Variants in GNG7 observed in about 807,000 individuals in gnomAD.
GNG7 encodes guanine nucleotide-binding protein G(I)/G(S)/G(O) subunit gamma-7.
Under a neutral mutation model 4.0 loss-of-function variants are expected in GNG7, and 1 was observed. That is an observed-to-expected ratio of 0.25 (90% CI 0.09 to 1.18). The LOEUF (loss-of-function observed/expected upper bound fraction) is 1.18, where lower values mean the gene tolerates loss of function less well. Among genes scored for constraint, GNG7 ranks in the 50% most tolerant of loss-of-function variants. GNG7 has a pLI of 0.50. For missense variants in GNG7, 86 were observed against 91.9 expected, an observed-to-expected ratio of 0.94 and a Z score of 0.26; for synonymous variants, 34 against 36.9, an observed-to-expected ratio of 0.92 and a Z score of 0.29.
intron 1 of GNG7, among the ~76,000 whole-genome samples, chr19:2,650,893 G>A (rs904443547): frequency 3.9e-5 from 6 of 152,292 alleles, no homozygotes; most frequent in Non-Finnish European, 7.4e-5. Context: ...AGAAACTGCC[G>A]AGCTGGGGCA....
chr19:2,693,303 C>A (rs977328163), intron 1 of GNG7, among the ~76,000 whole-genome samples: 1 of 150,976 alleles, frequency 6.6e-6, no homozygotes. Flanking sequence ...GTATTCCCAG[C>A]TACTCAGGAG....
At chr19:2,639,637 T>C (rs1395690116) in intron 2 of GNG7, among the ~76,000 whole-genome samples, 1 of 9,336 alleles carries the variant, frequency 1.1e-4, no homozygotes, top group Admixed American at 7.0e-4. Flanking sequence ...GGAATTTAAC[T>C]TAAACCTCAA....
At position 2,640,832 on chromosome 19, in the gene GNG7, T is replaced by C. The variant is rs149924616; in HGVS notation, c.-78+5392A>G. ...TTTGTAGAGATGGGGTCTTGCTATG[T>C]TGCCCAGGCTAGTCTCACACTCCTG... On this transcript the variant is annotated intron_variant, in intron 2 of 4. Transcript: ENST00000382159. Among the ~76,000 whole-genome samples the C allele has an allele frequency of 6.4e-3, 981 of 152,294 alleles. 3 individuals carry two copies. Among genetic ancestry groups the C allele is most frequent in the African/African-American group, 0.022 (912 of 41,558 alleles).
intron 3 of GNG7, among the ~76,000 whole-genome samples, chr19:2,541,609 G>A (rs1395622424): frequency 6.6e-6 from 1 of 151,896 alleles, no homozygotes; most frequent in African/African-American, 2.4e-5. Context: ...TGGCATGGTG[G>A]TGGGCACCTG....
chr19:2,570,009 T>C (rs1980097245), intron 2 of GNG7, among the ~76,000 whole-genome samples: 1 of 151,986 alleles, frequency 6.6e-6, no homozygotes, highest in Non-Finnish European at 1.5e-5. Context: ...CGACCCCCTA[T>C]GTTGGAGGTG....
chr19:2,511,979 A>C lies in GNG7; in HGVS notation c.*3043T>G, dbSNP rs1469482256. ...GGGGCCTGGCCCGCTGTGGCCCTTCACCTGGCTACTGGTGTCTCGCTCAGC... is the reference window on the plus strand; with the variant it reads ...GGGGCCTGGCCCGCTGTGGCCCTTCCCCTGGCTACTGGTGTCTCGCTCAGC... On this transcript the variant is annotated 3_prime_UTR_variant, in exon 5 of 5. Transcript: ENST00000382159. The surrounding 1 kb of genome is among the most constrained non-coding windows in gnomAD (Gnocchi z 6.3). 3 of 985,754 alleles carry C rather than the reference A, an allele frequency of 3.0e-6. No individual in the cohort carries two copies. In the African/African-American group the frequency reaches 5.2e-5, roughly 17 times the overall value. The allele number at this position is 985,754 out of a possible 1,614,324, so 61.1% of individuals were successfully genotyped here.
At chr19:2,695,602 G>A (rs1913225069) in intron 1 of GNG7, among the ~76,000 whole-genome samples, 1 of 151,852 alleles carries the variant, frequency 6.6e-6, no homozygotes, top group African/African-American at 2.4e-5. Context: ...ATGGAGCCAA[G>A]TGGGGGTGGG....
intron 2 of GNG7, among the ~76,000 whole-genome samples, chr19:2,644,326 T>TC (rs1323619301): frequency 1.1e-4 from 7 of 64,584 alleles, no homozygotes; most frequent in Non-Finnish European, 1.6e-4. Context: ...CGGCCTACAC[T>TC]TTATATATAT....
At chr19:2,558,286 G>GATCC (rs948017602) in intron 2 of GNG7, among the ~76,000 whole-genome samples, 6 of 150,772 alleles carry the variant, frequency 4.0e-5, no homozygotes, top group African/African-American at 1.5e-4. Flanking sequence ...ACCCAGGCTG[G>GATCC]AGTGCAATGG....
intron 3 of GNG7, among the ~76,000 whole-genome samples, chr19:2,539,930 TTCTC>T (rs1239955306): frequency 2.1e-5 from 3 of 144,100 alleles, no homozygotes; most frequent in African/African-American, 7.7e-5. Context: ...TCTTTCTTTC[TTCTC>T]TCTCCCTCTC....
rs1471444909 is a variant in GNG7, at chr19:2,603,152, C to T, written c.-78+43072G>A. On this transcript the variant is annotated intron_variant, in intron 2 of 4. Coordinates refer to ENST00000382159, the MANE Select transcript of GNG7 (RefSeq NM_052847.3). ...CACAGTCTTGCCTCACTGAAACCTCCGCCTCCCGGGTTCAAGCGATCCTCC... is the reference window on the plus strand; with the variant it reads ...CACAGTCTTGCCTCACTGAAACCTCTGCCTCCCGGGTTCAAGCGATCCTCC... Among the ~76,000 whole-genome samples, 5 of 151,944 alleles carry T rather than the reference C, an allele frequency of 3.3e-5. No individual in the cohort carries two copies. The East Asian group carries it at 5.8e-4, about 18-fold the overall frequency.
intron 3 of GNG7, among the ~76,000 whole-genome samples, chr19:2,542,190 C>T (rs996681380): frequency 4.0e-5 from 6 of 148,200 alleles, no homozygotes; most frequent in Non-Finnish European, 7.4e-5. Context: ...TCTCGGCTCA[C>T]CGCAACCTCC....
At chr19:2,644,350 TATA>T (rs1449995566) in intron 2 of GNG7, among the ~76,000 whole-genome samples, 8 of 16,346 alleles carry the variant, frequency 4.9e-4, no homozygotes, top group Non-Finnish European at 9.3e-4. Flanking sequence ...TATATATATA[TATA>T]TATATATATA....
rs576343140 is a variant in GNG7 at position 2,598,078 on chromosome 19, G to A, written c.-77-42890C>T. On this transcript the variant is annotated intron_variant, in intron 2 of 4. Transcript: ENST00000382159. ...ACAACTGTGTGAGCAGCACCTGTGT[G>A]GCACTGAGTCATCTCAGGCTCTCCA... 7.9e-4 allele frequency among the ~76,000 whole-genome samples: 120 copies of A among 152,150 alleles called. 1 individual carries two copies. Among genetic ancestry groups the A allele is most frequent in the African/African-American group, 2.7e-3 (113 of 41,526 alleles).
At chr19:2,549,502 G>T (rs938766292) in intron 3 of GNG7, among the ~76,000 whole-genome samples, 7 of 152,108 alleles carry the variant, frequency 4.6e-5, no homozygotes, top group African/African-American at 1.4e-4. Flanking sequence ...TCTTGGCCAG[G>T]CTGGTCTTGA....
At chr19:2,669,351 G>A (rs753559417) in intron 1 of GNG7, among the ~76,000 whole-genome samples, 24 of 152,144 alleles carry the variant, frequency 1.6e-4, no homozygotes, top group East Asian at 9.7e-4. Context: ...TTAGCTGGGC[G>A]TGGTGGTGCA....
chr19:2,602,879 TTC>T (rs957491821), intron 2 of GNG7, among the ~76,000 whole-genome samples: 2 of 151,208 alleles, frequency 1.3e-5, no homozygotes, highest in Non-Finnish European at 2.9e-5. Context: ...TTTTCTCTCT[TTC>T]TCTTTCTTTT....
chr19:2,627,583 C>G (rs1982052554), intron 2 of GNG7, among the ~76,000 whole-genome samples: 1 of 152,260 alleles, frequency 6.6e-6, no homozygotes, highest in African/African-American at 2.4e-5. Context: ...TCTGAATTCC[C>G]AGTCTCACAT....
chr19:2,578,474 T>C (rs1980407643), intron 2 of GNG7, among the ~76,000 whole-genome samples: 1 of 152,180 alleles, frequency 6.6e-6, no homozygotes, highest in Non-Finnish European at 1.5e-5. Flanking sequence ...CAGAAAACGG[T>C]GCTCCAGCCA....
Sources: gnomAD v4.1 joint callset for allele counts (sites outside exome capture counted in the v4.1 genomes callset) on GRCh38, gnomAD v4.1.1 for gene constraint, Gnocchi (gnomAD v3.1) non-coding constraint, MANE v1.5 for transcripts, NCBI Gene and HGNC (gene_info 2026-07-23, HGNC 2026-07-21) for gene names.